Variants in CORO7 observed in about 807,000 individuals in gnomAD.
CORO7 encodes coronin 7.
A neutral mutation model predicts 126.6 loss-of-function variants in CORO7; 107 were observed. The observed-to-expected ratio is 0.85, with a 90% CI of 0.72 to 0.99. The LOEUF is 0.99. Ranked by LOEUF, CORO7 falls within the 50% of genes least tolerant of loss-of-function variation. CORO7 has a pLI of 0.00. For missense variants in CORO7, 1,314 were observed against 1,255.8 expected, an observed-to-expected ratio of 1.05 and a Z score of -0.70; for synonymous variants, 603 against 536.8, an observed-to-expected ratio of 1.12 and a Z score of -1.70.
intron 7 of CORO7, 111 bp downstream of exon 7, chr16:4,395,178 G>A: frequency 6.6e-7 from 1 of 1,506,164 alleles, no homozygotes; most frequent in Non-Finnish European, 9.1e-7. Flanking sequence ...TGGTGCTGCA[G>A]AACATGTCTG....
At chr16:4,412,453 C>T in intron 2 of CORO7, 23 bp from the exon 3 acceptor site, 1 of 1,613,728 alleles carries the variant, frequency 6.2e-7, no homozygotes, top group East Asian at 2.2e-5. Context: ...CACGGGGACT[C>T]TGACTTCAGG....
intron 9 of CORO7, chr16:4,382,397 G>A (rs768634816): frequency 1.1e-5 from 17 of 1,611,918 alleles, no homozygotes; most frequent in East Asian, 8.9e-5. Flanking sequence ...CCTGATAAGC[G>A]GCTGGTGACG....
At chr16:4,387,184 C>A (rs2055221872) in intron 9 of CORO7, among the ~76,000 whole-genome samples, 1 of 152,154 alleles carries the variant, frequency 6.6e-6, no homozygotes, top group South Asian at 2.1e-4. Context: ...AACACCCCCC[C>A]CAGCCTCAGT....
intron 9 of CORO7, among the ~76,000 whole-genome samples, chr16:4,376,292 G>A (rs1295679550): frequency 6.6e-6 from 1 of 152,210 alleles, no homozygotes; most frequent in Admixed American, 6.5e-5. Flanking sequence ...CAGCCGTCCT[G>A]GCCGCCGGCA....
intron 14 of CORO7, among the ~76,000 whole-genome samples, chr16:4,364,004 A>T (rs2141194251): frequency 6.6e-6 from 1 of 151,976 alleles, no homozygotes; most frequent in South Asian, 2.1e-4. Context: ...GGGCAATAAG[A>T]GCGAAACTCT....
intron 6 of CORO7, among the ~76,000 whole-genome samples, chr16:4,397,655 CCAGGCTGGAGTGCAG>C (rs2055648639): frequency 1.3e-5 from 2 of 151,970 alleles, no homozygotes; most frequent in African/African-American, 4.8e-5. Flanking sequence ...TTCTTGTCAC[CCAGGCTGGAGTGCAG>C]TGGCGCGATC....
chr16:4,362,517 C>T lies in CORO7; in HGVS notation c.1402+95G>A, dbSNP rs1206210137. On this transcript the variant is annotated intron_variant, in intron 15 of 27. Coordinates refer to ENST00000251166, the MANE Select transcript of CORO7 (RefSeq NM_024535.5). This position sits in a 1 kb window ranked among gnomAD's most constrained non-coding sequence, Gnocchi z 5.3. ...GGTGAGGGGGGTGCCCTGCATGAGG[C>T]CTGTGCTCAGCAGTAGGGTACACAG... The T allele has an allele frequency of 6.2e-6, 9 of 1,458,824 alleles. No homozygotes were observed. Among genetic ancestry groups the T allele is most frequent in the African/African-American group, 1.4e-5 (1 of 69,712 alleles). The allele number at this position is 1,458,824 out of a possible 1,614,324, so 90.4% of individuals were successfully genotyped here. A position where few individuals can be genotyped will look rare whatever the true frequency, so the allele number is the denominator to read the frequency against.
chr16:4,360,877 C>T (rs2054154368), intron 19 of CORO7, 66 bp downstream of exon 19: 1 of 343,568 alleles, frequency 2.9e-6, no homozygotes, highest in African/African-American at 3.6e-5. Context: ...CACTGCTGGC[C>T]CCACCTCTCC....
chr16:4,374,445 C>T (rs543292261), intron 9 of CORO7, among the ~76,000 whole-genome samples: 24 of 152,226 alleles, frequency 1.6e-4, no homozygotes, highest in East Asian at 1.4e-3. Flanking sequence ...GGGTTCGGGA[C>T]GGCCCCCACC....
Position 4,375,989 on chromosome 16 carries a change from A to G in CORO7, c.786-10444T>C, listed in dbSNP as rs536680134. 1.1e-3 allele frequency among the ~76,000 whole-genome samples: 171 copies of G among 152,278 alleles called. 1 individual carries two copies. Among genetic ancestry groups the G allele is most frequent in the African/African-American group, 4.0e-3 (167 of 41,568 alleles). On this transcript the variant is annotated intron_variant, in intron 9 of 27. Transcript: ENST00000251166. ...TGACTGAGCTCCTGGCTGTGGCATT[A>G]TCTGTGGAATGAAGAGCGCCAGCTT...
Position 4,407,698 on chromosome 16 carries a change from C to A in CORO7, c.304-14G>T. ...CCAGAGTTTTACCTGCAAGAAAGAC[C>A]AAGTCCGTGAGCACAGGGCTGAGGG... On this transcript the variant is annotated splice_polypyrimidine_tract_variant and intron_variant, in intron 4 of 27. Coordinates refer to ENST00000251166, the MANE Select transcript of CORO7 (RefSeq NM_024535.5). 1 of 1,570,292 alleles carries A rather than the reference C, an allele frequency of 6.4e-7. No homozygotes were observed. Among genetic ancestry groups the A allele is most frequent in the Non-Finnish European group, 8.6e-7 (1 of 1,160,408 alleles).
chr16:4,365,853 A>G (rs1236088228), intron 9 of CORO7, among the ~76,000 whole-genome samples: 1 of 151,958 alleles, frequency 6.6e-6, no homozygotes, highest in Non-Finnish European at 1.5e-5. Flanking sequence ...AAGACCCCAC[A>G]TGCATTCTGT....
rs762249901 is a variant in CORO7 at position 4,388,064 on chromosome 16, C to G, written c.707G>C (p.Arg236Pro). 16 of 1,612,088 alleles carry G rather than the reference C, an allele frequency of 9.9e-6. No homozygotes were observed. The highest frequency in any genetic ancestry group is 6.6e-5 in the South Asian group (6 of 90,882). ...GTCCCACAGCTTCACTTCGCGCTCA[C>G]GCATCTGCAGGGAGGGCGAGAGAGG... is the stretch of plus-strand genomic sequence containing the variant. ...HLVSTGFNQM[R>P]EREVKLWDTR... The change falls in exon 9 of 28, where the codon CGT becomes CCT. Residue 236 changes from arginine (R) to proline (P), a missense_variant. Transcript: ENST00000251166.
intron 9 of CORO7, among the ~76,000 whole-genome samples, chr16:4,374,236 G>T (rs1346763170): frequency 1.3e-5 from 2 of 152,162 alleles, no homozygotes; most frequent in African/African-American, 4.8e-5. Flanking sequence ...AGGAGGGGCA[G>T]GGCCTCAGCC....
intron 9 of CORO7, among the ~76,000 whole-genome samples, chr16:4,379,286 G>A (rs1307704451): frequency 1.3e-5 from 2 of 152,080 alleles, no homozygotes; most frequent in South Asian, 2.1e-4. Context: ...CTGGCACCCC[G>A]TATGAGGCTC....
At chr16:4,412,123 C>G (rs2056234656) in intron 3 of CORO7, among the ~76,000 whole-genome samples, 1 of 152,118 alleles carries the variant, frequency 6.6e-6, no homozygotes, top group Non-Finnish European at 1.5e-5. Flanking sequence ...GCACACCCCG[C>G]TCCATCCAGC....
intron 24 of CORO7, 91 bp from the exon 25 acceptor site, chr16:4,358,194 G>A (rs2054041774): frequency 1.9e-6 from 3 of 1,552,180 alleles, no homozygotes; most frequent in Non-Finnish European, 8.7e-7. Context: ...CAAGACCTGG[G>A]ACCCTCCCAC....
At chr16:4,395,382 G>T in intron 6 of CORO7, 43 bp from the exon 7 acceptor site, 2 of 1,613,144 alleles carry the variant, frequency 1.2e-6, no homozygotes, top group South Asian at 2.2e-5. Context: ...ATTAGGGCTG[G>T]AGGGTCCCTG....
chr16:4,388,732 C>G, intron 7 of CORO7, 101 bp from the exon 8 acceptor site: 1 of 1,281,930 alleles, frequency 7.8e-7, no homozygotes, highest in Non-Finnish European at 1.1e-6. Flanking sequence ...GCCCACCTGC[C>G]TGAAAGCCTC....
Sources: allele counts gnomAD v4.1 joint callset (sites outside exome capture counted in the v4.1 genomes callset), GRCh38; gene constraint gnomAD v4.1.1; non-coding constraint Gnocchi (gnomAD v3.1); transcripts MANE v1.5; gene names NCBI Gene and HGNC (gene_info 2026-07-23, HGNC 2026-07-21).